NFATC2: variants seen among roughly 807,000 people sequenced by gnomAD.
NFATC2 encodes the protein nuclear factor of activated T cells 2, also known as nuclear factor of activated T-cells, cytoplasmic 2.
A neutral mutation model predicts 87.3 loss-of-function variants in NFATC2; 22 were observed. The observed-to-expected ratio is 0.25, with a 90% confidence interval of 0.18 to 0.36. NFATC2 has a LOEUF of 0.36. NFATC2 is among the 10% of genes least tolerant of loss of function. NFATC2 has a pLI of 1.00. For missense variants in NFATC2, 1,149 were observed against 1,259.1 expected (o/e 0.91, Z 1.32); for synonymous variants, 565 against 542.2 (o/e 1.04, Z -0.58).
intron 6 of NFATC2, among the ~76,000 whole-genome samples, chr20:51,451,394 G>C (rs1985753844): frequency 6.6e-6 from 1 of 152,318 alleles, no homozygotes; most frequent in South Asian, 2.1e-4. Context: ...GGCAAATTTG[G>C]CAAGGTCTGG....
At chr20:51,445,562 A>G (rs1242324671) in intron 6 of NFATC2, among the ~76,000 whole-genome samples, 3 of 152,242 alleles carry the variant, frequency 2.0e-5, no homozygotes, top group African/African-American at 4.8e-5. Context: ...CTTTTACTAA[A>G]GAAATTCACT....
At chr20:51,542,749 CGGG>C (rs1167272535), upstream of NFATC2, 7 of 4,276 alleles carry the variant, frequency 1.6e-3, 1 homozygote, top group African/African-American at 4.8e-3. Flanking sequence ...CCCGGGGAGG[CGGG>C]GGGGGGGGGG....
intron 9 of NFATC2, among the ~76,000 whole-genome samples, chr20:51,401,386 TATTA>T (rs1426578739): frequency 6.6e-6 from 1 of 152,168 alleles, no homozygotes; most frequent in Non-Finnish European, 1.5e-5. Context: ...GGCATGTGTT[TATTA>T]AGCCCACAAT....
At chr20:51,427,793 G>A (rs1183986042) in intron 9 of NFATC2, among the ~76,000 whole-genome samples, 3 of 152,086 alleles carry the variant, frequency 2.0e-5, no homozygotes, top group Non-Finnish European at 4.4e-5. Flanking sequence ...CATCTGCAGG[G>A]GCCAACCTCA....
chr20:51,448,287 G>C (rs542430421), intron 6 of NFATC2, among the ~76,000 whole-genome samples: 1 of 152,214 alleles, frequency 6.6e-6, no homozygotes, highest in Non-Finnish European at 1.5e-5. Context: ...GGAGGACCCC[G>C]TGGAGGAAGT....
At chr20:51,391,484 G>A (rs1568915613) in intron 10 of NFATC2, 33 bp from the exon 11 acceptor site, 2 of 1,548,048 alleles carry the variant, frequency 1.3e-6, no homozygotes, top group Non-Finnish European at 1.8e-6. Context: ...GGGGGAGAGA[G>A]AATGGGGCAA....
chr20:51,551,568 ATTTTTT>A (rs528455167), intron 1 of NFATC2, among the ~76,000 whole-genome samples: 3 of 103,724 alleles, frequency 2.9e-5, no homozygotes, highest in African/African-American at 1.1e-4. Flanking sequence ...ATGCCCTGCT[ATTTTTT>A]TTTTTTTTTT....
At chr20:51,531,162 T>C (rs569330935) in intron 1 of NFATC2, among the ~76,000 whole-genome samples, 1 of 152,346 alleles carries the variant, frequency 6.6e-6, no homozygotes, top group East Asian at 1.9e-4. Flanking sequence ...AAACATCTCC[T>C]GCCAGGCAGG....
At position 51,391,471 on chromosome 20, in the gene NFATC2, G is replaced by C. The variant is rs199675591; in HGVS notation, c.*45-20C>G. ...CATTAACTACAAAAGAAAAGAGGAGGGGGGGGGAGAGAGAATGGGGCAAGT... is the reference window on the plus strand; with the variant it reads ...CATTAACTACAAAAGAAAAGAGGAGCGGGGGGGAGAGAGAATGGGGCAAGT... On this transcript the variant is annotated intron_variant, in intron 10 of 10. Transcript: ENST00000371564. The C allele has an allele frequency of 1.2e-4, 196 of 1,579,202 alleles. 1 individual carries two copies. Among genetic ancestry groups the C allele is most frequent in the Middle Eastern group, 7.8e-4 (4 of 5,108 alleles).
At chr20:51,501,250 C>T (rs781096425) in intron 3 of NFATC2, among the ~76,000 whole-genome samples, 9 of 152,196 alleles carry the variant, frequency 5.9e-5, no homozygotes, top group Non-Finnish European at 1.3e-4. Context: ...TCATGATACA[C>T]ACAGCTGTTG....
In NFATC2 at chr20:51,480,340, G is replaced by A. The variant is rs1486189682; in HGVS notation, c.1333-4680C>T. Among the ~76,000 whole-genome samples, 1 of 152,168 alleles carries A rather than the reference G, an allele frequency of 6.6e-6. No individual in the cohort carries two copies. Among genetic ancestry groups the A allele is most frequent in the Non-Finnish European group, 1.5e-5 (1 of 68,024 alleles). ...CACAGGAGAGAGAGTGGGGCAGGAA[G>A]GAGGGAGAAAAGAAGGGGCACAGAG... On this transcript the variant is annotated intron_variant, in intron 3 of 10. Coordinates refer to ENST00000371564, the MANE Select transcript of NFATC2 (RefSeq NM_012340.5). This position sits in a 1 kb window ranked among gnomAD's most constrained non-coding sequence, Gnocchi z 4.2.
chr20:51,464,557 A>G (rs1420048043), intron 5 of NFATC2, among the ~76,000 whole-genome samples: 2 of 152,148 alleles, frequency 1.3e-5, no homozygotes, highest in Non-Finnish European at 2.9e-5. Context: ...CTTGCCTTCG[A>G]GAGCAGAGGC....
At chr20:51,464,721 A>G (rs1449483797) in intron 5 of NFATC2, among the ~76,000 whole-genome samples, 2 of 152,138 alleles carry the variant, frequency 1.3e-5, no homozygotes, top group Non-Finnish European at 2.9e-5. Context: ...GAGGCCCTTG[A>G]GTTGGTCTCT....
chr20:51,402,490 A>AT (rs1988153489), intron 9 of NFATC2, among the ~76,000 whole-genome samples: 1 of 151,406 alleles, frequency 6.6e-6, no homozygotes, highest in South Asian at 2.1e-4. Context: ...AAAAAAAAAA[A>AT]GGCAAAAGAA....
At chr20:51,533,622 C>G (rs1216577720) in intron 1 of NFATC2, among the ~76,000 whole-genome samples, 1 of 152,246 alleles carries the variant, frequency 6.6e-6, no homozygotes, top group Admixed American at 6.5e-5. Context: ...TCTTTGCTGA[C>G]CTTGCCCCAG....
intron 3 of NFATC2, among the ~76,000 whole-genome samples, chr20:51,485,762 T>C (rs937517374): frequency 6.6e-6 from 1 of 152,158 alleles, no homozygotes; most frequent in Non-Finnish European, 1.5e-5. Flanking sequence ...CACACCTCAC[T>C]AGGCTGTTGG....
intron 9 of NFATC2, among the ~76,000 whole-genome samples, chr20:51,431,824 C>T (rs928989535): frequency 1.3e-5 from 2 of 151,926 alleles, no homozygotes; most frequent in Non-Finnish European, 2.9e-5. Flanking sequence ...TCTATGGGGG[C>T]GATTCTGGAG....
intron 3 of NFATC2, among the ~76,000 whole-genome samples, chr20:51,482,115 C>T (rs1989309721): frequency 1.3e-5 from 2 of 151,886 alleles, no homozygotes; most frequent in Admixed American, 1.3e-4. Flanking sequence ...GCAAAATCCC[C>T]CCACCCCCAG....
chr20:51,542,776 G>GGGGA (rs2076846881), upstream of NFATC2: 1 of 121,188 alleles, frequency 8.3e-6, no homozygotes, highest in African/African-American at 4.8e-5. Context: ...TGGAGGCGGG[G>GGGGA]ACAGGGCGGC....
Sources: allele counts gnomAD v4.1 joint callset (sites outside exome capture counted in the v4.1 genomes callset), GRCh38; gene constraint gnomAD v4.1.1; non-coding constraint Gnocchi (gnomAD v3.1); transcripts MANE v1.5; gene names NCBI Gene and HGNC (gene_info 2026-07-23, HGNC 2026-07-21).